PLS1: variants seen among roughly 807,000 people sequenced by gnomAD.
PLS1 encodes the protein plastin-1.
Under a neutral mutation model 73.7 loss-of-function variants are expected in PLS1, and 32 were observed. The ratio of observed to expected loss-of-function variants is 0.43; its 90% CI spans 0.33 to 0.58. The LOEUF is 0.58. Among genes scored for constraint, PLS1 ranks in the 20% least tolerant of loss-of-function variants. The pLI is 0.04. For missense variants in PLS1, 633 were observed against 740.5 expected (o/e 0.85, Z 1.68); for synonymous variants, 217 against 261.3 (o/e 0.83, Z 1.63).
At position 142,711,678 on chromosome 3, in the gene PLS1, C is replaced by T; in HGVS notation, c.1754+53C>T. 1.0e-5 allele frequency: 15 copies of T among 1,485,180 alleles called. No individual in the cohort carries two copies. In the Middle Eastern group the frequency reaches 2.7e-3, roughly 270 times the overall value. The allele number at this position is 1,485,180 out of a possible 1,614,324, so 92.0% of individuals were successfully genotyped here. On this transcript the variant is annotated intron_variant, in intron 15 of 15. Coordinates refer to ENST00000457734, the MANE Select transcript of PLS1 (RefSeq NM_001145319.2). The stretch of plus-strand genomic sequence containing the variant: ...ACATGGCCCTTTAATTCTCTAAAAT[C>T]CTTATAGGAAAAGTTACTATGCCCT...
At chr3:142,659,479 C>T (rs2037315590) in intron 1 of PLS1, among the ~76,000 whole-genome samples, 2 of 152,042 alleles carry the variant, frequency 1.3e-5, no homozygotes, top group South Asian at 2.1e-4. Flanking sequence ...CTTTAGACCA[C>T]TAGTATTTGT....
At chr3:142,607,240 A>G (rs2036038186) in intron 1 of PLS1, among the ~76,000 whole-genome samples, 1 of 152,164 alleles carries the variant, frequency 6.6e-6, no homozygotes, top group Admixed American at 6.5e-5. Flanking sequence ...CAGTGCTCCC[A>G]TATACTCCCA....
chr3:142,605,381 A>G (rs2036000229), intron 1 of PLS1, among the ~76,000 whole-genome samples: 1 of 152,106 alleles, frequency 6.6e-6, no homozygotes, highest in Non-Finnish European at 1.5e-5. Flanking sequence ...GTCAGGGTTA[A>G]TTTTTTTGAG....
At chr3:142,695,542 T>G (rs1015316346) in intron 11 of PLS1, among the ~76,000 whole-genome samples, 3 of 152,148 alleles carry the variant, frequency 2.0e-5, no homozygotes, top group Admixed American at 1.3e-4. Context: ...AACACAAATA[T>G]TGAAGGTGAG....
In PLS1 at chr3:142,711,613, T is replaced by C. The variant is rs369327478; in HGVS notation, c.1742T>C (p.Leu581Pro). Residue 581 changes from leucine (L) to proline (P), a missense_variant, in exon 15 of 16, where the codon CTG becomes CCG. Transcript: ENST00000457734. ...GAAAACTTATCTGATGAGGACAAGCTGAACAATGCTAAGTAAGCCTTTATG... is the reference window on the plus strand; with the variant it reads ...GAAAACTTATCTGATGAGGACAAGCCGAACAATGCTAAGTAAGCCTTTATG... ...RRENLSDEDK[L>P]NNAKYAISVA... 1.2e-6 allele frequency: 2 copies of C among 1,606,714 alleles called. No homozygotes were observed. The highest frequency in any genetic ancestry group is 1.7e-6 in the Non-Finnish European group (2 of 1,174,582).
chr3:142,616,649 C>T lies in PLS1; in HGVS notation c.-37+20140C>T, dbSNP rs145815013. On this transcript the variant is annotated intron_variant, in intron 1 of 15. Transcript: ENST00000457734. The stretch of plus-strand genomic sequence containing the variant: ...ATGGAGTCTCACTCGGCCACCCAGG[C>T]TGAAGTACAGTGGCACGATCTCAGC... Among the ~76,000 whole-genome samples, 250 of 152,210 alleles carry T rather than the reference C, an allele frequency of 1.6e-3. 1 individual carries two copies. Among genetic ancestry groups the T allele is most frequent in the Non-Finnish European group, 1.9e-3 (128 of 68,012 alleles).
intron 12 of PLS1, among the ~76,000 whole-genome samples, chr3:142,700,872 GTAGTGAAT>G (rs1184541361): frequency 6.6e-6 from 1 of 152,186 alleles, no homozygotes; most frequent in African/African-American, 2.4e-5. Flanking sequence ...TGTTCTCATT[GTAGTGAAT>G]AAGACTTAAG....
At chr3:142,601,235 A>G (rs908150329) in intron 1 of PLS1, among the ~76,000 whole-genome samples, 55 of 151,442 alleles carry the variant, frequency 3.6e-4, no homozygotes, top group South Asian at 8.3e-4. Context: ...TATATTTTTT[A>G]TATATATATG....
At chr3:142,696,949 A>G (rs2038223670) in intron 11 of PLS1, among the ~76,000 whole-genome samples, 1 of 151,844 alleles carries the variant, frequency 6.6e-6, no homozygotes, top group African/African-American at 2.4e-5. Context: ...ATCACCCAGT[A>G]CTGGGCCCAG....
chr3:142,610,773 T>C (rs1354034089), intron 1 of PLS1, among the ~76,000 whole-genome samples: 1 of 152,172 alleles, frequency 6.6e-6, no homozygotes, highest in Non-Finnish European at 1.5e-5. Flanking sequence ...AGGCTCTTGG[T>C]TGTTTGAGCA....
chr3:142,611,217 C>T (rs1042170469), intron 1 of PLS1, among the ~76,000 whole-genome samples: 2 of 152,178 alleles, frequency 1.3e-5, no homozygotes, highest in Non-Finnish European at 2.9e-5. Context: ...AGGTTATATG[C>T]AAGCAGGCAG....
chr3:142,708,762 G>C (rs570979386), intron 14 of PLS1, among the ~76,000 whole-genome samples: 14 of 152,156 alleles, frequency 9.2e-5, no homozygotes, highest in Non-Finnish European at 1.2e-4. Flanking sequence ...TAACCTAAGG[G>C]TTTTCACTAT....
At position 142,713,299 on chromosome 3, in the gene PLS1, G is replaced by A. The variant is rs1162332336; in HGVS notation, c.*1292G>A. ...AGCAATACTGTTGTGCAACAAAAAT[G>A]TCACTTTATCTCAGTGTGAATGAGT... On this transcript the variant is annotated 3_prime_UTR_variant, in exon 16 of 16. Coordinates refer to ENST00000457734, the MANE Select transcript of PLS1 (RefSeq NM_001145319.2). The A allele has an allele frequency of 6.6e-6, 1 of 152,528 alleles. No individual in the cohort carries two copies. Among genetic ancestry groups the A allele is most frequent in the Non-Finnish European group, 1.5e-5 (1 of 67,998 alleles). The allele number at this position is 152,528 out of a possible 1,614,324, so 9.4% of individuals were successfully genotyped here. A position where few individuals can be genotyped will look rare whatever the true frequency, so the allele number is the denominator to read the frequency against.
rs1356660328 is a variant in PLS1, at chr3:142,689,639, G to T, written c.1003G>T (p.Ala335Ser). ...GINETNDLKR[A>S]GLMLQEADKL... The stretch of plus-strand genomic sequence containing the variant: ...TTAGGAGACAAATGACCTGAAGCGT[G>T]CTGGACTCATGCTTCAAGAAGCAGA... The change falls in exon 10 of 16, where the codon GCT (alanine) becomes TCT (serine). Residue 335 changes from alanine to serine, a missense_variant. Physicochemically the swap from Ala to Ser is moderately conservative, Grantham distance 99. Coordinates refer to ENST00000457734, the MANE Select transcript of PLS1 (RefSeq NM_001145319.2). 1 of 1,607,182 alleles carries T rather than the reference G, an allele frequency of 6.2e-7. No homozygotes were observed. Among genetic ancestry groups the T allele is most frequent in the Non-Finnish European group, 8.5e-7 (1 of 1,177,332 alleles).
At chr3:142,607,239 C>G (rs2036038115) in intron 1 of PLS1, among the ~76,000 whole-genome samples, 1 of 152,142 alleles carries the variant, frequency 6.6e-6, no homozygotes, top group South Asian at 2.1e-4. Flanking sequence ...ACAGTGCTCC[C>G]ATATACTCCC....
At chr3:142,620,821 C>T (rs1409158649) in intron 1 of PLS1, among the ~76,000 whole-genome samples, 1 of 152,066 alleles carries the variant, frequency 6.6e-6, no homozygotes, top group African/African-American at 2.4e-5. Flanking sequence ...GAGTTCAAGA[C>T]CAGCTGGCCA....
intron 1 of PLS1, among the ~76,000 whole-genome samples, chr3:142,662,552 G>T (rs1258041400): frequency 6.6e-6 from 1 of 152,142 alleles, no homozygotes; most frequent in Non-Finnish European, 1.5e-5. Flanking sequence ...ATGTATCCCA[G>T]AACTTAAAGT....
At chr3:142,694,758 C>T (rs13087943) in intron 11 of PLS1, among the ~76,000 whole-genome samples, 27,625 of 151,958 alleles carry the variant, frequency 0.18, 2,792 homozygotes, top group Middle Eastern at 0.27. Context: ...TGATGATATA[C>T]GTAAATCAGT....
At chr3:142,659,785 C>T (rs1245252060) in intron 1 of PLS1, among the ~76,000 whole-genome samples, 1 of 151,882 alleles carries the variant, frequency 6.6e-6, no homozygotes, top group Admixed American at 6.6e-5. Flanking sequence ...TAACCTCCGC[C>T]TCTTGGGTTG....
Sources: allele counts gnomAD v4.1 joint callset (sites outside exome capture counted in the v4.1 genomes callset), GRCh38; gene constraint gnomAD v4.1.1; transcripts MANE v1.5; gene names NCBI Gene and HGNC (gene_info 2026-07-23, HGNC 2026-07-21).